FAM83C: variants seen among roughly 807,000 people sequenced by gnomAD.
FAM83C encodes scaffolding CK1 anchoring protein C.
FAM83C carries 23 observed loss-of-function variants against 27.1 expected under a neutral mutation model. The observed-to-expected ratio is 0.85, with a 90% confidence interval of 0.61 to 1.20. The LOEUF is 1.20. Ranked by LOEUF, FAM83C falls within the 50% of genes most tolerant of loss-of-function variation. FAM83C has a pLI of 0.00. For synonymous variants in FAM83C, 426 were observed against 423.1 expected (o/e 1.01, Z -0.09); for missense variants, 984 against 1,001.3 (o/e 0.98, Z 0.23).
In FAM83C at chr20:35,288,092, A is replaced by G. The variant is rs41290912; in HGVS notation, c.807-120T>C. 3,486 of 862,222 alleles carry G rather than the reference A, an allele frequency of 4.0e-3. 12 individuals are homozygous for G. The highest frequency in any genetic ancestry group is 5.2e-3 in the Non-Finnish European group (2,976 of 569,334). 53.4% of individuals were successfully genotyped at this position (862,222 alleles called of 1,614,324 possible). A position where few individuals can be genotyped will look rare whatever the true frequency, so the allele number is the denominator to read the frequency against. Reference sequence around the variant, plus strand: ...GCTAGACCCAAACCCCACCACCACGAGGGCTCACAGCGAGGGGCAGAGCTC... The same window carrying G: ...GCTAGACCCAAACCCCACCACCACGGGGGCTCACAGCGAGGGGCAGAGCTC... On this transcript the variant is annotated intron_variant, in intron 3 of 3. Coordinates refer to ENST00000374408, the MANE Select transcript of FAM83C (RefSeq NM_178468.6).
chr20:35,286,565 G>C lies in FAM83C; in HGVS notation c.2214C>G (p.Phe738Leu). ...DLITKYNKSK[F>L]KQLRSRFES ...ACTCAAAGCGGCTTCGGAGCTGCTT[G>C]AACTTGGACTTGTTGTACTTAGTGA... The change falls in exon 4 of 4, where the codon TTC becomes TTG. Residue 738 changes from phenylalanine to leucine, a missense_variant. Transcript: ENST00000374408. 1 of 1,613,728 alleles carries C rather than the reference G, an allele frequency of 6.2e-7. No individual in the cohort carries two copies. Among genetic ancestry groups the C allele is most frequent in the South Asian group, 1.1e-5 (1 of 91,022 alleles).
rs1254133807 is a variant in FAM83C, at chr20:35,287,833, G to T, written c.946C>A (p.Pro316Thr). 1.3e-6 allele frequency: 2 copies of T among 1,570,578 alleles called. No homozygotes were observed. Among genetic ancestry groups the T allele is most frequent in the African/African-American group, 2.7e-5 (2 of 73,854 alleles). ...GGACGCAGTGCCCGGGGAGACAGCG[G>T]GTCCTCACCGCCACAGAAGCCCTCC... ...PVEGFCGGED[P>T]LSPRALRPPP... The change falls in exon 4 of 4, where the codon CCG (proline) becomes ACG (threonine). Residue 316 changes from proline to threonine, a missense_variant. Physicochemically the swap from Pro to Thr is conservative, Grantham distance 38 (BLOSUM62 -1). Coordinates refer to ENST00000374408, the MANE Select transcript of FAM83C (RefSeq NM_178468.6).
intron 1 of FAM83C, among the ~76,000 whole-genome samples, chr20:35,290,163 A>G (rs73903039): frequency 0.026 from 3,960 of 152,294 alleles, 135 homozygotes; most frequent in African/African-American, 0.079. Context: ...CACCCATGCC[A>G]AATGGATCCA....
chr20:35,291,215 T>C lies in FAM83C; in HGVS notation c.513+577A>G, dbSNP rs2060845966. Among the ~76,000 whole-genome samples the C allele has an allele frequency of 2.6e-5, 4 of 152,108 alleles. No homozygotes were observed. The South Asian group carries it at 6.2e-4, about 24-fold the overall frequency. ...GCTTCAGGCCCAGCTGCAGATGTGG[T>C]GCAGGAGGGTAGGGGGCAACTAGGG... is the stretch of plus-strand genomic sequence containing the variant. On this transcript the variant is annotated intron_variant, in intron 1 of 3. Transcript: ENST00000374408.
In FAM83C at chr20:35,291,328, A is replaced by C. The variant is rs185482972; in HGVS notation, c.513+464T>G. 1.7e-3 allele frequency among the ~76,000 whole-genome samples: 259 copies of C among 152,306 alleles called. 1 individual carries two copies. Among genetic ancestry groups the C allele is most frequent in the Middle Eastern group, 3.4e-3 (1 of 294 alleles). On this transcript the variant is annotated intron_variant, in intron 1 of 3. Transcript: ENST00000374408. ...CCCAAGCCCTGAGCTCTATGTCACC[A>C]TATGGACCTCCCTGGGCAAGTCCCA...
chr20:35,292,254 T>A lies in FAM83C; in HGVS notation c.51A>T (p.Gly17=). 1 of 1,548,404 alleles carries A rather than the reference T, an allele frequency of 6.5e-7. No homozygotes were observed. The highest frequency in any genetic ancestry group is 1.9e-5 in the Admixed American group (1 of 52,588). ...GCTCTTCCACCCGGCCCCGCAGGGG[T>A]CCCGCCATGCCCTGGGCTCCCAGGA... ...PGVLGAQGMA[G]PLRGRVEELK... is the part of the protein sequence containing the mutation. The change falls in exon 1 of 4, where the codon GGA becomes GGT. Residue 17 remains glycine, a synonymous_variant. Coordinates refer to ENST00000374408, the MANE Select transcript of FAM83C (RefSeq NM_178468.6).
Position 35,288,440 on chromosome 20 carries a change from T to C in FAM83C, c.806+21A>G. 5 of 1,613,150 alleles carry C rather than the reference T, an allele frequency of 3.1e-6. 1 individual carries two copies. In the Middle Eastern group the frequency reaches 8.6e-4, roughly 278 times the overall value. Reference sequence around the variant, plus strand: ...CAGTGATGCAGCCCCAGGCCCCCCTTGCCTCCTCGTGCCTGCTCACCTGTA... The same window carrying C: ...CAGTGATGCAGCCCCAGGCCCCCCTCGCCTCCTCGTGCCTGCTCACCTGTA... On this transcript the variant is annotated intron_variant, in intron 3 of 3. Transcript: ENST00000374408.
At chr20:35,291,218 A>G (rs2060845987) in intron 1 of FAM83C, among the ~76,000 whole-genome samples, 1 of 152,312 alleles carries the variant, frequency 6.6e-6, no homozygotes, top group East Asian at 1.9e-4. Context: ...GATGTGGTGC[A>G]GGAGGGTAGG....
rs182971130 is a variant in FAM83C, at chr20:35,287,466, G to A, written c.1313C>T (p.Thr438Ile). ...ALNHNSTSPL[T>I]LAVGSPLLPR... ...AAGCAGAGGTGACCCCACTGCCAAG[G>A]TTAAGGGGCTGGTACTATTATGGTT... Residue 438 changes from threonine to isoleucine, a missense_variant, in exon 4 of 4, where the codon ACC becomes ATC. By Grantham distance (89) the Thr-to-Ile change is moderately conservative. Coordinates refer to ENST00000374408, the MANE Select transcript of FAM83C (RefSeq NM_178468.6). 3 of 1,614,206 alleles carry A rather than the reference G, an allele frequency of 1.9e-6. No homozygotes were observed. Among genetic ancestry groups the A allele is most frequent in the East Asian group, 2.2e-5 (1 of 44,882 alleles).
In FAM83C at chr20:35,287,072, C is replaced by T. The variant is rs753584531; in HGVS notation, c.1707G>A (p.Glu569=). Residue 569 remains glutamate, a synonymous_variant, in exon 4 of 4, where the codon GAG becomes GAA. Coordinates refer to ENST00000374408, the MANE Select transcript of FAM83C (RefSeq NM_178468.6). ...GATCACCAGGTCTGAGGGAACCCAA[C>T]TCAGGGGCACCCCCAGTACCCAGGG... ...SRALGTGGAP[E]LGSLRPGDRA... 6.2e-6 allele frequency: 10 copies of T among 1,604,966 alleles called. No individual in the cohort carries two copies. The highest frequency in any genetic ancestry group is 8.5e-6 in the Non-Finnish European group (10 of 1,179,966).
Position 35,288,488 on chromosome 20 carries a change from C to T in FAM83C, c.779G>A (p.Cys260Tyr). 2 of 1,614,184 alleles carry T rather than the reference C, an allele frequency of 1.2e-6. No individual in the cohort carries two copies. The highest frequency in any genetic ancestry group is 1.7e-6 in the Non-Finnish European group (2 of 1,180,012). The part of the protein sequence containing the change: ...QALEKFVLID[C>Y]EQVVAGSYSF... ...GTAACTGCCCGCCACCACTTGCTCA[C>T]AGTCAATGAGGACGAACTTCTCCAG... Residue 260 changes from cysteine to tyrosine, a missense_variant, in exon 3 of 4, where the codon TGT becomes TAT. Physicochemically the swap from Cys to Tyr is radical, Grantham distance 194. Transcript: ENST00000374408.
At chr20:35,291,200 C>T (rs1444961786) in intron 1 of FAM83C, among the ~76,000 whole-genome samples, 1 of 152,336 alleles carries the variant, frequency 6.6e-6, no homozygotes, top group Non-Finnish European at 1.5e-5. Flanking sequence ...GCTTCAGGCC[C>T]AGCTGCAGAT....
In FAM83C at chr20:35,292,335, A is replaced by G. The variant is rs748880144; in HGVS notation, c.-31T>C. On this transcript the variant is annotated 5_prime_UTR_variant, in exon 1 of 4. Transcript: ENST00000374408. ...CCACGCGGCTGCCTCACCCGCCGGCAGGGCCCATGGCCCGCACGCTGGGCT... is the reference window on the plus strand; with the variant it reads ...CCACGCGGCTGCCTCACCCGCCGGCGGGGCCCATGGCCCGCACGCTGGGCT... The G allele has an allele frequency of 1.7e-5, 25 of 1,459,668 alleles. No homozygotes were observed. The Admixed American group carries it at 5.9e-4, about 34-fold the overall frequency. 90.4% of individuals were successfully genotyped at this position (1,459,668 alleles called of 1,614,324 possible). A position where few individuals can be genotyped will look rare whatever the true frequency, so the allele number is the denominator to read the frequency against.
At chr20:35,288,084 C>A in intron 3 of FAM83C, 112 bp from the exon 4 acceptor site, 1 of 914,102 alleles carries the variant, frequency 1.1e-6, no homozygotes. Flanking sequence ...CCAAACCCCA[C>A]CACCACGAGG....
At position 35,286,690 on chromosome 20, in the gene FAM83C, C is replaced by T; in HGVS notation, c.2089G>A (p.Glu697Lys). The T allele has an allele frequency of 3.7e-6, 6 of 1,614,144 alleles. No homozygotes were observed. Among genetic ancestry groups the T allele is most frequent in the Non-Finnish European group, 5.1e-6 (6 of 1,180,010 alleles). Residue 697 changes from glutamate to lysine, a missense_variant, in exon 4 of 4, where the codon GAG (glutamate) becomes AAG (lysine). Transcript: ENST00000374408. ...HQLHGARQGT[E>K]PGGPKGGHLN... Reference sequence around the variant, plus strand: ...TGGCCACCCTTGGGACCCCCAGGCTCAGTTCCCTGCCTGGCCCCGTGCAAC... The same window carrying T: ...TGGCCACCCTTGGGACCCCCAGGCTTAGTTCCCTGCCTGGCCCCGTGCAAC...
In FAM83C at chr20:35,292,404, G is replaced by C. The variant is rs1242788358; in HGVS notation, c.-100C>G. ...AGACCAGCAGAACCGCCTTCTGCCC[G>C]CCCGCTCGCTGTGTGTGTGGCAGGG... is the stretch of plus-strand genomic sequence containing the variant. On this transcript the variant is annotated 5_prime_UTR_variant, in exon 1 of 4. Transcript: ENST00000374408. The C allele has an allele frequency of 2.1e-6, 3 of 1,408,938 alleles. No homozygotes were observed. Among genetic ancestry groups the C allele is most frequent in the Non-Finnish European group, 2.8e-6 (3 of 1,080,568 alleles). 87.3% of individuals were successfully genotyped at this position (1,408,938 alleles called of 1,614,324 possible). A position where few individuals can be genotyped will look rare whatever the true frequency, so the allele number is the denominator to read the frequency against.
At position 35,292,282 on chromosome 20, in the gene FAM83C, C is replaced by A; in HGVS notation, c.23G>T (p.Gly8Val). 1 of 1,544,454 alleles carries A rather than the reference C, an allele frequency of 6.5e-7. No individual in the cohort carries two copies. MFGGPGPGVLGAQGMAGP... is the reference protein window; with the variant it reads MFGGPGPVVLGAQGMAGP... ...CGCCATGCCCTGGGCTCCCAGGACC[C>A]CAGGCCCCGGGCCTCCGAACATGCC... Residue 8 changes from glycine (G) to valine (V), a missense_variant, in exon 1 of 4, where the codon GGG becomes GTG. By Grantham distance (109) the Gly-to-Val change is moderately radical. Transcript: ENST00000374408.
At chr20:35,287,993 G>T in intron 3 of FAM83C, 21 bp from the exon 4 acceptor site, 1 of 1,555,336 alleles carries the variant, frequency 6.4e-7, no homozygotes, top group East Asian at 2.4e-5. Context: ...AGGGACAGGG[G>T]GGTCAGGAGG....
chr20:35,287,349 C>T lies in FAM83C; in HGVS notation c.1430G>A (p.Ser477Asn), dbSNP rs1372753227. Residue 477 changes from serine to asparagine, a missense_variant, in exon 4 of 4, where the codon AGC becomes AAC. Physicochemically the swap from Ser to Asn is conservative, Grantham distance 46. Coordinates refer to ENST00000374408, the MANE Select transcript of FAM83C (RefSeq NM_178468.6). ...ENGLPGSQEP[S>N]PLRGRWVPGT... Reference sequence around the variant, plus strand: ...AGGTACCCATCGACCCCGCAGGGGGCTGGGCTCTTGGCTTCCTGGGAGCCC... The same window carrying T: ...AGGTACCCATCGACCCCGCAGGGGGTTGGGCTCTTGGCTTCCTGGGAGCCC... 6.2e-7 allele frequency: 1 copy of T among 1,613,826 alleles called. No individual in the cohort carries two copies. Among genetic ancestry groups the T allele is most frequent in the Non-Finnish European group, 8.5e-7 (1 of 1,179,974 alleles).
Sources: allele counts gnomAD v4.1 joint callset (sites outside exome capture counted in the v4.1 genomes callset), GRCh38; gene constraint gnomAD v4.1.1; transcripts MANE v1.5; gene names NCBI Gene and HGNC (gene_info 2026-07-23, HGNC 2026-07-21).